Variants in PDXDC1 observed in about 807,000 individuals in gnomAD.
The protein encoded by PDXDC1 is pyridoxal dependent decarboxylase domain containing 1.
A neutral mutation model predicts 100.1 loss-of-function variants in PDXDC1; 42 were observed. The ratio of observed to expected loss-of-function variants is 0.42; its 90% CI spans 0.33 to 0.54. The LOEUF (loss-of-function observed/expected upper bound fraction) is 0.54. PDXDC1 is among the 20% of genes least tolerant of loss of function. The pLI, the probability that PDXDC1 is intolerant of heterozygous loss-of-function variation, is 0.10. For synonymous variants in PDXDC1, 260 were observed against 371.7 expected, an observed-to-expected ratio of 0.70 and a Z score of 3.46; for missense variants, 636 against 979.2, an observed-to-expected ratio of 0.65 and a Z score of 4.68.
chr16:15,022,239 T>C (rs1428747995), intron 12 of PDXDC1, among the ~76,000 whole-genome samples: 2 of 152,284 alleles, frequency 1.3e-5, no homozygotes, highest in Non-Finnish European at 2.9e-5. Context: ...CATTTTATAA[T>C]TGAGGGAACT....
chr16:15,068,067 A>G (rs2045052876), intron 16 of PDXDC1: 2 of 1,347,076 alleles, frequency 1.5e-6, no homozygotes, highest in Non-Finnish European at 1.0e-6. Flanking sequence ...GGCCTTTTAT[A>G]ATGTTACTAA....
intron 16 of PDXDC1, chr16:15,068,207 G>C: frequency 6.3e-7 from 1 of 1,596,620 alleles, no homozygotes; most frequent in Non-Finnish European, 8.5e-7. Flanking sequence ...CTGAGGGCAG[G>C]CAAATCTTCA....
At chr16:15,012,617 G>A (rs2041413319) in intron 8 of PDXDC1, among the ~76,000 whole-genome samples, 1 of 152,278 alleles carries the variant, frequency 6.6e-6, no homozygotes, top group African/African-American at 2.4e-5. Flanking sequence ...GGCTGAGACT[G>A]CGAGATCAAT....
intron 5 of PDXDC1, among the ~76,000 whole-genome samples, chr16:15,005,370 G>C (rs1974050661): frequency 6.6e-6 from 1 of 152,144 alleles, no homozygotes; most frequent in Non-Finnish European, 1.5e-5. Context: ...ACTGAAATTT[G>C]TTTTATTCTG....
chr16:15,029,185 T>C, intron 15 of PDXDC1: 1 of 644,462 alleles, frequency 1.6e-6, no homozygotes. Context: ...TCCCTCACTT[T>C]CCTTGCTGCT....
chr16:15,056,976 A>C (rs2280018), intron 16 of PDXDC1, among the ~76,000 whole-genome samples: 75,992 of 151,816 alleles, frequency 0.5, 21,217 homozygotes, highest in Admixed American at 0.64. Flanking sequence ...CAGGTCCCCA[A>C]GGTGAGAGGC....
At chr16:15,068,280 T>G in intron 16 of PDXDC1, 1 of 1,564,238 alleles carries the variant, frequency 6.4e-7, no homozygotes, top group Non-Finnish European at 8.6e-7. Flanking sequence ...CTGCAAACCT[T>G]TGGTTTAAAA....
At chr16:15,104,983 G>GCCAC (rs1248745564) in intron 16 of PDXDC1, among the ~76,000 whole-genome samples, 1 of 151,454 alleles carries the variant, frequency 6.6e-6, no homozygotes, top group Non-Finnish European at 1.5e-5. Flanking sequence ...GTCTCCACAT[G>GCCAC]CCACTGTGTC....
intron 16 of PDXDC1, chr16:15,127,183 C>A (rs1424058511): frequency 1.3e-5 from 5 of 395,432 alleles, no homozygotes; most frequent in Non-Finnish European, 2.0e-5. Context: ...GAAGCGTGCA[C>A]AGCCGCGTGC....
downstream of PDXDC1, among the ~76,000 whole-genome samples, chr16:15,142,761 T>G: frequency 6.8e-6 from 1 of 146,626 alleles, no homozygotes. Context: ...CCCCTCGGGC[T>G]TCCTCTGCAC....
At chr16:15,039,959 T>G (rs765290204), downstream of PDXDC1, 4 of 1,526,486 alleles carry the variant, frequency 2.6e-6, no homozygotes, top group South Asian at 4.6e-5. Context: ...AAAGATGATT[T>G]GAAACTCACT....
intron 13 of PDXDC1, among the ~76,000 whole-genome samples, chr16:15,024,081 C>G (rs1488284566): frequency 1.3e-5 from 2 of 152,272 alleles, no homozygotes; most frequent in Non-Finnish European, 1.5e-5. Context: ...ATTGGGGGAC[C>G]CAGTGGTGCT....
intron 15 of PDXDC1, 72 bp downstream of exon 15, chr16:15,029,038 A>T: frequency 6.6e-7 from 1 of 1,525,138 alleles, no homozygotes; most frequent in Non-Finnish European, 8.9e-7. Flanking sequence ...GGTGAGGGTG[A>T]CGCGTGCTCG....
chr16:14,989,294 C>T lies in PDXDC1; in HGVS notation c.22-8459C>T. On this transcript the variant is annotated intron_variant, in intron 1 of 22. Coordinates refer to ENST00000396410, the MANE Select transcript of PDXDC1 (RefSeq NM_015027.4). ...GGGGGATAATGGGGCCAGAGACGTG[C>T]ACCACCCACAGCACCGTCTCATCCA... is the stretch of plus-strand genomic sequence containing the variant. The T allele has an allele frequency of 3.1e-6, 5 of 1,613,324 alleles. No homozygotes were observed. The Admixed American group carries it at 6.7e-5, about 22-fold the overall frequency.
chr16:15,143,713 T>C (rs181690447), downstream of PDXDC1, among the ~76,000 whole-genome samples: 307 of 152,300 alleles, frequency 2.0e-3, 6 homozygotes, highest in East Asian at 0.038. Context: ...AGAACTTCCC[T>C]GGGTGTGGGG....
At chr16:15,102,863 CG>C (rs780983410) in intron 16 of PDXDC1, among the ~76,000 whole-genome samples, 77 of 148,468 alleles carry the variant, frequency 5.2e-4, no homozygotes, top group Non-Finnish European at 8.4e-4. Context: ...CACTTGAGCC[CG>C]GAAGTTCAAG....
At chr16:14,984,847 T>C (rs766173309) in intron 1 of PDXDC1, among the ~76,000 whole-genome samples, 12 of 152,200 alleles carry the variant, frequency 7.9e-5, no homozygotes, top group Admixed American at 1.3e-4. Context: ...TGAGGAAAAG[T>C]GTTGATTCGT....
At chr16:15,086,111 T>C in intron 16 of PDXDC1, 2 of 1,604,362 alleles carry the variant, frequency 1.2e-6, no homozygotes, top group Non-Finnish European at 1.7e-6. Context: ...GAAAATAAAA[T>C]TCCAAGCAAT....
At chr16:14,995,783 G>T (rs1430184375) in intron 1 of PDXDC1, among the ~76,000 whole-genome samples, 8 of 152,282 alleles carry the variant, frequency 5.3e-5, no homozygotes, top group Non-Finnish European at 1.0e-4. Flanking sequence ...GACCTTTTTT[G>T]GTTGGTAAGC....
Sources: allele counts gnomAD v4.1 joint callset (sites outside exome capture counted in the v4.1 genomes callset), GRCh38; gene constraint gnomAD v4.1.1; transcripts MANE v1.5; gene names NCBI Gene and HGNC (gene_info 2026-07-23, HGNC 2026-07-21).